The following GALNT13 variants were observed in gnomAD, a reference collection of about 807,000 sequenced individuals.
GALNT13 encodes the protein polypeptide N-acetylgalactosaminyltransferase 13, also known as UDP-GalNAc:polypeptide N-acetylgalactosaminyltransferase 13.
A neutral mutation model predicts 64.2 loss-of-function variants in GALNT13; 28 were observed. The ratio of observed to expected loss-of-function variants is 0.44; its 90% CI spans 0.32 to 0.60. The LOEUF (loss-of-function observed/expected upper bound fraction) is 0.60. GALNT13 is among the 20% of genes least tolerant of loss of function. The pLI, the probability that GALNT13 is intolerant of heterozygous loss-of-function variation, is 0.05. For synonymous variants in GALNT13, 214 were observed against 224.6 expected (o/e 0.95, Z 0.42); for missense variants, 577 against 669.8 (o/e 0.86, Z 1.53).
intron 11 of GALNT13, chr2:154,409,453 T>C (rs1174620561): frequency 4.4e-6 from 1 of 228,926 alleles, no homozygotes; most frequent in Non-Finnish European, 8.6e-6. Flanking sequence ...TCCATCTCTT[T>C]TCAGATTTTT....
chr2:153,126,312 A>G, the GALNT13 span, among the ~76,000 whole-genome samples: 356 of 18,658 alleles, frequency 0.019, 8 homozygotes, highest in South Asian at 0.057. Context: ...ATATATATAT[A>G]TATATATATA....
chr2:153,430,622 G>A, the GALNT13 span, among the ~76,000 whole-genome samples: 3 of 149,420 alleles, frequency 2.0e-5, no homozygotes, highest in Non-Finnish European at 4.4e-5. Context: ...CATTGATCTC[G>A]GATGCTCTGC....
At chr2:153,695,327 C>G in the GALNT13 span, among the ~76,000 whole-genome samples, 18 of 152,152 alleles carry the variant, frequency 1.2e-4, no homozygotes, top group African/African-American at 3.9e-4. Flanking sequence ...TGGTGGGAAC[C>G]CTCTCAAAAA....
the GALNT13 span, among the ~76,000 whole-genome samples, chr2:153,173,616 G>A: frequency 1.3e-5 from 2 of 152,098 alleles, no homozygotes; most frequent in South Asian, 4.1e-4. Context: ...ATCTCTTACT[G>A]GGAAACAGAT....
At chr2:154,443,857 A>G (rs1701428056) in intron 12 of GALNT13, among the ~76,000 whole-genome samples, 1 of 152,164 alleles carries the variant, frequency 6.6e-6, no homozygotes, top group African/African-American at 2.4e-5. Context: ...AATATTCTAC[A>G]TTGCAGGCAA....
At chr2:154,242,604 T>C (rs1689554449) in intron 5 of GALNT13, 94 bp from the exon 6 acceptor site, 2 of 773,916 alleles carry the variant, frequency 2.6e-6, no homozygotes, top group Admixed American at 4.6e-5. Flanking sequence ...TTGGCCACCA[T>C]TTCTGTGTGT....
chr2:154,273,471 G>A (rs532936378), intron 8 of GALNT13, among the ~76,000 whole-genome samples: 20 of 152,260 alleles, frequency 1.3e-4, no homozygotes, highest in African/African-American at 4.8e-4. Context: ...TAATGTTTTG[G>A]TTGACTGATT....
intron 3 of GALNT13, among the ~76,000 whole-genome samples, chr2:154,074,551 T>G (rs964107911): frequency 1.3e-5 from 2 of 151,818 alleles, no homozygotes; most frequent in East Asian, 3.9e-4. Flanking sequence ...GATTTGAGAA[T>G]AAGATAAGGG....
At chr2:154,436,362 A>G (rs918516850) in intron 11 of GALNT13, 2 of 152,242 alleles carry the variant, frequency 1.3e-5, no homozygotes, top group Non-Finnish European at 2.9e-5. Flanking sequence ...GCTCTCTGAA[A>G]GGTTCAACAG....
In GALNT13 at chr2:154,416,030, C is replaced by T. The variant is rs111904729; in HGVS notation, c.1395+6948C>T. ...TGCAAGCTAGAAGAAAGCAGGGTTA[C>T]CACAACTTCTATAGAAACAGGAATT... is the stretch of plus-strand genomic sequence containing the variant. On this transcript the variant is annotated intron_variant, in intron 11 of 12. Transcript: ENST00000392825. 5.3e-5 allele frequency among the ~76,000 whole-genome samples: 8 copies of T among 152,206 alleles called. 1 individual carries two copies. Among genetic ancestry groups the T allele is most frequent in the African/African-American group, 1.9e-4 (8 of 41,556 alleles).
intron 9 of GALNT13, among the ~76,000 whole-genome samples, chr2:154,367,285 A>C (rs189730919): frequency 5.3e-5 from 8 of 152,300 alleles, no homozygotes; most frequent in African/African-American, 1.9e-4. Context: ...AAAATGGATG[A>C]TAACTTTGTC....
At chr2:153,973,669 A>G (rs775869370) in intron 3 of GALNT13, among the ~76,000 whole-genome samples, 1 of 150,378 alleles carries the variant, frequency 6.6e-6, no homozygotes, top group Non-Finnish European at 1.5e-5. Flanking sequence ...TAAGGAAAGC[A>G]TCTAACAAAG....
chr2:153,747,430 T>G, the GALNT13 span, among the ~76,000 whole-genome samples: 1 of 138,646 alleles, frequency 7.2e-6, no homozygotes, highest in Non-Finnish European at 1.5e-5. Context: ...TGGTTTTTTT[T>G]TTTTTTTTTT....
chr2:153,805,086 A>G, the GALNT13 span, among the ~76,000 whole-genome samples: 1 of 151,690 alleles, frequency 6.6e-6, no homozygotes, highest in East Asian at 1.9e-4. Context: ...GAATTGTTAG[A>G]TAGAATATAA....
the GALNT13 span, among the ~76,000 whole-genome samples, chr2:153,735,311 CT>C: frequency 6.6e-6 from 1 of 151,872 alleles, no homozygotes; most frequent in Non-Finnish European, 1.5e-5. Context: ...AGAGTATATA[CT>C]TTTCCCCCCA....
At chr2:153,301,953 A>G in the GALNT13 span, among the ~76,000 whole-genome samples, 1 of 150,726 alleles carries the variant, frequency 6.6e-6, no homozygotes, top group Admixed American at 6.6e-5. Context: ...TTTGCTGATA[A>G]ACACTTAGGT....
chr2:154,441,436 G>T (rs1337132486), intron 12 of GALNT13, among the ~76,000 whole-genome samples: 1 of 152,044 alleles, frequency 6.6e-6, no homozygotes. Context: ...AATCTCTGAG[G>T]TGGTGCAGGT....
At chr2:153,841,238 T>C in the GALNT13 span, among the ~76,000 whole-genome samples, 4 of 152,200 alleles carry the variant, frequency 2.6e-5, no homozygotes, top group African/African-American at 7.2e-5. Flanking sequence ...TATTCCTCTA[T>C]AGAAATTCAT....
At chr2:154,441,408 C>A (rs1701289821) in intron 12 of GALNT13, among the ~76,000 whole-genome samples, 1 of 152,010 alleles carries the variant, frequency 6.6e-6, no homozygotes, top group South Asian at 2.1e-4. Context: ...CTGGCAAGGA[C>A]AAAATTATTC....
Sources: gnomAD v4.1 joint callset for allele counts (sites outside exome capture counted in the v4.1 genomes callset) on GRCh38, gnomAD v4.1.1 for gene constraint, MANE v1.5 for transcripts, NCBI Gene and HGNC (gene_info 2026-07-23, HGNC 2026-07-21) for gene names.